The following ST7 variants were observed in gnomAD, a reference collection of about 807,000 sequenced individuals.
ST7 encodes suppressor of tumorigenicity 7 protein.
Under a neutral mutation model 78.7 loss-of-function variants are expected in ST7, and 28 were observed. The ratio of observed to expected loss-of-function variants is 0.36; its 90% CI spans 0.26 to 0.49. The LOEUF (loss-of-function observed/expected upper bound fraction) is 0.49, where lower values mean the gene tolerates loss of function less well. ST7 is among the 20% of genes least tolerant of loss of function. The pLI is 0.99. For missense variants in ST7, 418 were observed against 696.0 expected (o/e 0.60, Z 4.49); for synonymous variants, 247 against 249.6 (o/e 0.99, Z 0.10).
chr7:117,056,069 T>C (rs1183059421), intron 1 of ST7, among the ~76,000 whole-genome samples: 1 of 152,112 alleles, frequency 6.6e-6, no homozygotes, highest in Non-Finnish European at 1.5e-5. Flanking sequence ...TGGTTTATAT[T>C]CACTGGCAGC....
chr7:117,180,554 T>TA (rs1425993808), intron 10 of ST7, among the ~76,000 whole-genome samples: 8 of 152,092 alleles, frequency 5.3e-5, no homozygotes, highest in African/African-American at 1.9e-4. Flanking sequence ...TAGCTATAGT[T>TA]AAAAAAATAA....
chr7:116,996,205 C>T (rs189434364), intron 1 of ST7, among the ~76,000 whole-genome samples: 1 of 152,142 alleles, frequency 6.6e-6, no homozygotes, highest in East Asian at 1.9e-4. Flanking sequence ...CCTCAGCCTC[C>T]CGAGTAGCTG....
At chr7:117,119,016 T>C (rs934651895) in intron 2 of ST7, among the ~76,000 whole-genome samples, 7 of 152,198 alleles carry the variant, frequency 4.6e-5, no homozygotes, top group African/African-American at 7.2e-5. Context: ...GTGCTATCCA[T>C]GTGGGAAACG....
At chr7:117,128,128 A>G (rs1584738186) in intron 3 of ST7, among the ~76,000 whole-genome samples, 1 of 151,912 alleles carries the variant, frequency 6.6e-6, no homozygotes, top group Admixed American at 6.6e-5. Flanking sequence ...TTATCCATAA[A>G]TCTATATTCA....
intron 9 of ST7, chr7:117,145,988 GC>G: frequency 6.6e-6 from 1 of 152,208 alleles, no homozygotes; most frequent in South Asian, 2.1e-4. Context: ...TGTCCTTTCT[GC>G]ATTTTCATCA....
At chr7:117,157,634 C>T (rs750287222) in intron 9 of ST7, among the ~76,000 whole-genome samples, 8 of 152,130 alleles carry the variant, frequency 5.3e-5, no homozygotes, top group Non-Finnish European at 7.4e-5. Context: ...TACTATTACC[C>T]ATGTGAATGT....
intron 1 of ST7, among the ~76,000 whole-genome samples, chr7:116,975,572 T>A (rs184869422): frequency 6.6e-6 from 1 of 152,130 alleles, no homozygotes; most frequent in African/African-American, 2.4e-5. Context: ...CACACCTGGC[T>A]CATTTTTGTA....
At chr7:117,007,563 T>A (rs1211033308) in intron 1 of ST7, among the ~76,000 whole-genome samples, 7 of 152,222 alleles carry the variant, frequency 4.6e-5, no homozygotes, top group Admixed American at 4.6e-4. Context: ...AAGGTCTAGC[T>A]GAGATACCTG....
At chr7:116,976,276 A>G (rs1204445427) in intron 1 of ST7, among the ~76,000 whole-genome samples, 3 of 151,972 alleles carry the variant, frequency 2.0e-5, no homozygotes, top group East Asian at 1.9e-4. Context: ...AACAACAATA[A>G]CAACAACAAC....
At chr7:117,224,376 T>C (rs1380032796) in intron 15 of ST7, among the ~76,000 whole-genome samples, 1 of 152,202 alleles carries the variant, frequency 6.6e-6, no homozygotes, top group Non-Finnish European at 1.5e-5. Context: ...ATCACCCATA[T>C]TGCTGCCTTG....
chr7:116,984,344 A>G (rs1374324866), intron 1 of ST7, among the ~76,000 whole-genome samples: 1 of 152,200 alleles, frequency 6.6e-6, no homozygotes, highest in African/African-American at 2.4e-5. Context: ...GCAACAGAAA[A>G]TAGACTAATA....
At chr7:116,988,591 A>T (rs1316372596) in intron 1 of ST7, among the ~76,000 whole-genome samples, 1 of 152,226 alleles carries the variant, frequency 6.6e-6, no homozygotes, top group Non-Finnish European at 1.5e-5. Context: ...TCTTTAAAAG[A>T]TAAAGCAGAT....
chr7:117,096,377 A>G (rs1218820131), intron 1 of ST7, among the ~76,000 whole-genome samples: 4 of 152,210 alleles, frequency 2.6e-5, no homozygotes, highest in African/African-American at 7.2e-5. Flanking sequence ...ACAAGCTCAC[A>G]GGGGACTTAT....
chr7:116,972,197 C>T, intron 1 of ST7: 3 of 550,868 alleles, frequency 5.4e-6, no homozygotes, highest in South Asian at 4.3e-5. Context: ...AGAGTCTGGA[C>T]CAGCATCTTT....
At chr7:117,070,789 C>T (rs1345932535) in intron 1 of ST7, among the ~76,000 whole-genome samples, 3 of 151,988 alleles carry the variant, frequency 2.0e-5, no homozygotes, top group Admixed American at 6.5e-5. Context: ...GTGATCCGCC[C>T]GCCTCGGCCT....
chr7:116,977,849 G>A (rs117922071), intron 1 of ST7, among the ~76,000 whole-genome samples: 8,274 of 152,290 alleles, frequency 0.054, 498 homozygotes, highest in East Asian at 0.23. Context: ...CACCGCGCCC[G>A]GCCGAGTGGT....
intron 1 of ST7, among the ~76,000 whole-genome samples, chr7:117,001,112 C>T (rs1477978279): frequency 6.6e-6 from 1 of 152,148 alleles, no homozygotes; most frequent in African/African-American, 2.4e-5. Flanking sequence ...GAAACCGGCA[C>T]CTTATCTCAT....
Position 117,190,681 on chromosome 7 carries a change from G to A in ST7, c.1152-153G>A, listed in dbSNP as rs186282417. ...CTGGGGTTTTTGCTGGCCTCGGTCC[G>A]TGGGGTCACTCAGAGGTTCCATGCA... is the stretch of plus-strand genomic sequence containing the variant. On this transcript the variant is annotated intron_variant, in intron 11 of 15. Transcript: ENST00000323984. The surrounding 1 kb of genome is among the most constrained non-coding windows in gnomAD (Gnocchi z 5.2). Among the ~76,000 whole-genome samples the A allele has an allele frequency of 2.6e-4, 39 of 152,284 alleles. No individual in the cohort carries two copies. The highest frequency in any genetic ancestry group is 4.6e-4 in the Non-Finnish European group (31 of 68,024).
chr7:116,965,793 T>C (rs886177551), intron 1 of ST7: 2 of 161,354 alleles, frequency 1.2e-5, no homozygotes, highest in Admixed American at 6.5e-5. Context: ...CACGTTACTG[T>C]TGGGGCTAAA....
Sources: gnomAD v4.1 joint callset for allele counts (sites outside exome capture counted in the v4.1 genomes callset) on GRCh38, gnomAD v4.1.1 for gene constraint, Gnocchi (gnomAD v3.1) non-coding constraint, MANE v1.5 for transcripts, NCBI Gene and HGNC (gene_info 2026-07-23, HGNC 2026-07-21) for gene names.